Variants in SLCO1A2 observed in about 807,000 individuals in gnomAD.
SLCO1A2 encodes OATP-1.
In SLCO1A2, 67 loss-of-function variants were observed where a neutral mutation model predicts 69.0. The ratio of observed to expected loss-of-function variants is 0.97; its 90% CI spans 0.80 to 1.19. The LOEUF (loss-of-function observed/expected upper bound fraction) is 1.19. Among genes scored for constraint, SLCO1A2 ranks in the 50% most tolerant of loss-of-function variants. The probability of loss-of-function intolerance (pLI) is 0.00; values close to 1 mark genes in which losing one functional copy is unlikely to be tolerated. For missense variants in SLCO1A2, 787 were observed against 793.7 expected (o/e 0.99, Z 0.10); for synonymous variants, 260 against 265.9 (o/e 0.98, Z 0.22).
intron 1 of SLCO1A2, among the ~76,000 whole-genome samples, chr12:21,417,525 T>C (rs996098956): frequency 6.6e-6 from 1 of 150,844 alleles, no homozygotes; most frequent in Admixed American, 6.6e-5. Context: ...TTGAAAATAA[T>C]TGCCTTAAAA....
chr12:21,418,749 C>A (rs1406123122), upstream of SLCO1A2, among the ~76,000 whole-genome samples: 8 of 152,004 alleles, frequency 5.3e-5, no homozygotes, highest in African/African-American at 1.9e-4. Context: ...GCAGACACAG[C>A]CAAACCATAT....
intron 2 of SLCO1A2, among the ~76,000 whole-genome samples, chr12:21,343,584 C>T (rs1475135603): frequency 1.3e-5 from 2 of 152,024 alleles, no homozygotes; most frequent in Non-Finnish European, 2.9e-5. Context: ...GCCTTATCAC[C>T]ACAAATTGCT....
chr12:21,344,044 T>C (rs761146865), intron 2 of SLCO1A2, among the ~76,000 whole-genome samples: 1 of 152,124 alleles, frequency 6.6e-6, no homozygotes, highest in Non-Finnish European at 1.5e-5. Flanking sequence ...AAATTACTGA[T>C]GAGCGGTAAA....
chr12:21,368,632 T>C (rs1939564744), intron 2 of SLCO1A2, among the ~76,000 whole-genome samples: 1 of 152,126 alleles, frequency 6.6e-6, no homozygotes, highest in Non-Finnish European at 1.5e-5. Context: ...GTTAAAATTA[T>C]GTGATCTCTA....
Position 21,319,485 on chromosome 12 carries a change from C to T in SLCO1A2, c.61-562G>A, listed in dbSNP as rs992690474. The T allele has an allele frequency of 4.4e-6, 6 of 1,362,814 alleles. No individual in the cohort carries two copies. In the African/African-American group the frequency reaches 8.9e-5, roughly 20 times the overall value. 84.4% of individuals were successfully genotyped at this position (1,362,814 alleles called of 1,614,324 possible). ...CAATCTGAGTTATGTCCTCATTCTT[C>T]CCATAGTAGGATGCTCTGCAACCCT... On this transcript the variant is annotated intron_variant, in intron 2 of 14. Transcript: ENST00000683939.
intron 6 of SLCO1A2, among the ~76,000 whole-genome samples, chr12:21,302,381 A>G (rs1483999089): frequency 1.3e-5 from 2 of 152,036 alleles, no homozygotes; most frequent in Non-Finnish European, 2.9e-5. Flanking sequence ...ATTAAACTAT[A>G]CATGTATTGT....
chr12:21,413,415 T>C (rs953824255), intron 1 of SLCO1A2, among the ~76,000 whole-genome samples: 1 of 151,852 alleles, frequency 6.6e-6, no homozygotes, highest in Non-Finnish European at 1.5e-5. Flanking sequence ...CTAATTTTTG[T>C]ATTTTTAGTA....
chr12:21,361,640 C>T (rs1938895180), intron 2 of SLCO1A2, among the ~76,000 whole-genome samples: 1 of 152,042 alleles, frequency 6.6e-6, no homozygotes, highest in African/African-American at 2.4e-5. Context: ...AGCTAAAAAC[C>T]TTGAAAAAAG....
At chr12:21,371,285 A>G (rs1287253177) in intron 2 of SLCO1A2, among the ~76,000 whole-genome samples, 1 of 152,052 alleles carries the variant, frequency 6.6e-6, no homozygotes, top group African/African-American at 2.4e-5. Context: ...CTAGTTCTCA[A>G]TTTGGTCTGG....
intron 2 of SLCO1A2, among the ~76,000 whole-genome samples, chr12:21,369,615 A>G (rs957881313): frequency 3.3e-5 from 5 of 152,200 alleles, no homozygotes; most frequent in Non-Finnish European, 5.9e-5. Flanking sequence ...GATGTTTTAA[A>G]GTTGCGGGAC....
At chr12:21,335,273 G>A (rs1233054616), upstream of SLCO1A2, among the ~76,000 whole-genome samples, 1 of 151,892 alleles carries the variant, frequency 6.6e-6, no homozygotes, top group Non-Finnish European at 1.5e-5. Flanking sequence ...AAACAACCTA[G>A]TAAAAATAAC....
At chr12:21,278,337 G>A (rs1004874323) in intron 12 of SLCO1A2, among the ~76,000 whole-genome samples, 2 of 152,120 alleles carry the variant, frequency 1.3e-5, no homozygotes, top group Non-Finnish European at 2.9e-5. Context: ...TGAAGGGAAA[G>A]ACAAAAACAT....
intron 3 of SLCO1A2, among the ~76,000 whole-genome samples, chr12:21,315,409 G>A (rs1273622228): frequency 1.3e-5 from 2 of 152,110 alleles, no homozygotes; most frequent in South Asian, 2.1e-4. Flanking sequence ...CTTGAAGAGT[G>A]TGGAATAAAG....
At chr12:21,312,109 G>C (rs776191778) in intron 4 of SLCO1A2, among the ~76,000 whole-genome samples, 2 of 151,946 alleles carry the variant, frequency 1.3e-5, no homozygotes, top group Non-Finnish European at 2.9e-5. Flanking sequence ...GAAGAAGAAG[G>C]CTGTTTCATC....
At chr12:21,314,001 A>G (rs996490141) in intron 4 of SLCO1A2, among the ~76,000 whole-genome samples, 10 of 151,466 alleles carry the variant, frequency 6.6e-5, no homozygotes, top group African/African-American at 2.4e-4. Context: ...AAAACAGAAA[A>G]AAAAGAAAGA....
chr12:21,281,638 A>G (rs1409532069), intron 12 of SLCO1A2, among the ~76,000 whole-genome samples: 1 of 152,092 alleles, frequency 6.6e-6, no homozygotes, highest in Non-Finnish European at 1.5e-5. Context: ...GAAAAGAAAA[A>G]CAAAACTGAT....
At chr12:21,346,772 C>T (rs558990595) in intron 2 of SLCO1A2, among the ~76,000 whole-genome samples, 2 of 152,280 alleles carry the variant, frequency 1.3e-5, no homozygotes, top group African/African-American at 2.4e-5. Context: ...GTAACACTCA[C>T]ACTTCCCATG....
intron 1 of SLCO1A2, among the ~76,000 whole-genome samples, chr12:21,393,734 T>C (rs891543688): frequency 6.6e-6 from 1 of 152,202 alleles, no homozygotes; most frequent in East Asian, 1.9e-4. Flanking sequence ...AAGGTATATA[T>C]CTCAGAAATT....
chr12:21,354,535 C>T (rs1346716065), intron 2 of SLCO1A2, among the ~76,000 whole-genome samples: 3 of 152,154 alleles, frequency 2.0e-5, no homozygotes, highest in African/African-American at 7.2e-5. Context: ...TTTTTTCCGT[C>T]ATAGTCTCAA....
Sources: allele counts gnomAD v4.1 joint callset (sites outside exome capture counted in the v4.1 genomes callset), GRCh38; gene constraint gnomAD v4.1.1; transcripts MANE v1.5; gene names NCBI Gene and HGNC (gene_info 2026-07-23, HGNC 2026-07-21).